Variants in PRKN observed in about 807,000 individuals in gnomAD.
PRKN encodes the protein parkin RBR E3 ubiquitin protein ligase.
Under a neutral mutation model 59.5 loss-of-function variants are expected in PRKN, and 56 were observed. The observed-to-expected ratio is 0.94, with a 90% CI of 0.76 to 1.18. The LOEUF (loss-of-function observed/expected upper bound fraction) is 1.18. Among genes scored for constraint, PRKN ranks in the 50% most tolerant of loss-of-function variants. The pLI, the probability that PRKN is intolerant of heterozygous loss-of-function variation, is 0.00. For missense variants in PRKN, 657 were observed against 596.4 expected (o/e 1.10, Z -1.06); for synonymous variants, 250 against 222.1 (o/e 1.13, Z -1.12).
intron 7 of PRKN, among the ~76,000 whole-genome samples, chr6:161,705,761 G>C (rs1786461659): frequency 6.6e-6 from 1 of 152,160 alleles, no homozygotes; most frequent in Admixed American, 6.5e-5. Context: ...TACCAGGTTA[G>C]ACAAAGGTTT....
At chr6:161,660,570 G>C (rs1214786329) in intron 7 of PRKN, among the ~76,000 whole-genome samples, 1 of 152,150 alleles carries the variant, frequency 6.6e-6, no homozygotes, top group Admixed American at 6.5e-5. Context: ...TCCTTAGAAA[G>C]GAGTCTGATT....
rs2128141254 is a variant in PRKN at position 161,593,064 on chromosome 6, C to T, written c.872-23648G>A. Among the ~76,000 whole-genome samples the T allele has an allele frequency of 6.6e-6, 1 of 152,314 alleles. No individual in the cohort carries two copies. The highest frequency in any genetic ancestry group is 6.5e-5 in the Admixed American group (1 of 15,302). ...ACAGAGCGTCCTCAGATGCGCTGCACCCCACGTCCGCTGCTGTTAACATCC... is the reference window on the plus strand; with the variant it reads ...ACAGAGCGTCCTCAGATGCGCTGCATCCCACGTCCGCTGCTGTTAACATCC... On this transcript the variant is annotated intron_variant, in intron 7 of 11. Coordinates refer to ENST00000366898, the MANE Select transcript of PRKN (RefSeq NM_004562.3). This position sits in a 1 kb window ranked among gnomAD's most constrained non-coding sequence, Gnocchi z 4.8.
rs999565978 is a variant in PRKN, at chr6:161,484,798, C to T, written c.1083+64056G>A. Among the ~76,000 whole-genome samples, 1 of 152,176 alleles carries T rather than the reference C, an allele frequency of 6.6e-6. No homozygotes were observed. The highest frequency in any genetic ancestry group is 6.5e-5 in the Admixed American group (1 of 15,278). ...ATCTCCAGACATGACCAAATATCCC[C>T]TGGGGACAAAATCGCTGGCAACTGA... On this transcript the variant is annotated intron_variant, in intron 9 of 11. Coordinates refer to ENST00000366898, the MANE Select transcript of PRKN (RefSeq NM_004562.3). This position sits in a 1 kb window ranked among gnomAD's most constrained non-coding sequence, Gnocchi z 4.9.
chr6:162,334,285 CT>C (rs1357732280), intron 2 of PRKN, among the ~76,000 whole-genome samples: 4 of 152,212 alleles, frequency 2.6e-5, no homozygotes, highest in African/African-American at 9.6e-5. Context: ...AAGATGCCAT[CT>C]GGGACTTTCA....
intron 5 of PRKN, among the ~76,000 whole-genome samples, chr6:161,990,399 T>C (rs1781600204): frequency 6.6e-6 from 1 of 152,046 alleles, no homozygotes; most frequent in Non-Finnish European, 1.5e-5. Context: ...AGTAGTCTTT[T>C]TCTAAAAAAG....
intron 1 of PRKN, among the ~76,000 whole-genome samples, chr6:162,526,833 TA>T (rs1778307591): frequency 6.6e-6 from 1 of 152,148 alleles, no homozygotes; most frequent in Non-Finnish European, 1.5e-5. Flanking sequence ...ATAAAAAGTC[TA>T]TCAAAGTGTA....
intron 2 of PRKN, among the ~76,000 whole-genome samples, chr6:162,369,365 C>A (rs1785624690): frequency 6.6e-6 from 1 of 151,578 alleles, no homozygotes; most frequent in Non-Finnish European, 1.5e-5. Flanking sequence ...TATGAAATAT[C>A]ATTCCACCTG....
intron 6 of PRKN, among the ~76,000 whole-genome samples, chr6:161,924,698 T>C (rs1778903341): frequency 1.3e-5 from 2 of 152,154 alleles, no homozygotes; most frequent in South Asian, 4.1e-4. Flanking sequence ...GGGAAAGTGT[T>C]TGCATGCCAT....
chr6:162,094,067 C>T (rs1223990837), intron 4 of PRKN, among the ~76,000 whole-genome samples: 1 of 152,136 alleles, frequency 6.6e-6, no homozygotes, highest in Admixed American at 6.6e-5. Context: ...TTCCATTTGT[C>T]TGAGCGAGGC....
chr6:161,754,973 G>C (rs929857879), intron 7 of PRKN, among the ~76,000 whole-genome samples: 1 of 152,194 alleles, frequency 6.6e-6, no homozygotes, highest in Non-Finnish European at 1.5e-5. Flanking sequence ...AATAGTCCCA[G>C]GGTGCCAGTA....
chr6:162,048,461 C>G (rs1562482676), intron 5 of PRKN, among the ~76,000 whole-genome samples: 1 of 151,936 alleles, frequency 6.6e-6, no homozygotes, highest in Non-Finnish European at 1.5e-5. Flanking sequence ...CGTTGGATGA[C>G]AGTGGACCTC....
chr6:161,662,777 G>T (rs1303767116), intron 7 of PRKN, among the ~76,000 whole-genome samples: 1 of 152,152 alleles, frequency 6.6e-6, no homozygotes, highest in Non-Finnish European at 1.5e-5. Flanking sequence ...ACAGAGTACA[G>T]GCTGTATTTT....
intron 6 of PRKN, among the ~76,000 whole-genome samples, chr6:161,921,599 T>C (rs1778787897): frequency 6.6e-6 from 1 of 152,224 alleles, no homozygotes; most frequent in African/African-American, 2.4e-5. Flanking sequence ...CACTAGGCGA[T>C]AGGAATTTTT....
chr6:161,538,000 G>A (rs12527640), intron 9 of PRKN, among the ~76,000 whole-genome samples: 25,749 of 152,102 alleles, frequency 0.17, 2,584 homozygotes, highest in Middle Eastern at 0.29. Context: ...TAACCAACAC[G>A]GCTTTGTGAA....
intron 6 of PRKN, among the ~76,000 whole-genome samples, chr6:161,793,170 A>G (rs193269391): frequency 1.1e-3 from 171 of 152,334 alleles, no homozygotes; most frequent in African/African-American, 4.0e-3. Flanking sequence ...AGAAATTAAC[A>G]TAAGCTTCAA....
At chr6:161,857,790 A>G (rs1172378085) in intron 6 of PRKN, among the ~76,000 whole-genome samples, 7 of 152,246 alleles carry the variant, frequency 4.6e-5, no homozygotes, top group African/African-American at 1.4e-4. Context: ...TGTGACTTCA[A>G]GTAATGATCA....
At chr6:161,770,190 G>T (rs1789604753) in intron 7 of PRKN, among the ~76,000 whole-genome samples, 1 of 152,104 alleles carries the variant, frequency 6.6e-6, no homozygotes, top group Non-Finnish European at 1.5e-5. Context: ...AGCCCACATG[G>T]AGCATGGGGA....
At chr6:162,605,185 T>C (rs1781861896) in intron 1 of PRKN, among the ~76,000 whole-genome samples, 1 of 152,134 alleles carries the variant, frequency 6.6e-6, no homozygotes. Context: ...TAACCCTGAA[T>C]ATGAAGGCTA....
rs1469004119 is a variant in PRKN, at chr6:161,992,824, C to T, written c.619-19407G>A. ...AGAAACTTTGGGAACTGTACAAATACACGGAAATTTAACAACATGCTCCTG... is the reference window on the plus strand; with the variant it reads ...AGAAACTTTGGGAACTGTACAAATATACGGAAATTTAACAACATGCTCCTG... On this transcript the variant is annotated intron_variant, in intron 5 of 11. Transcript: ENST00000366898. Among the ~76,000 whole-genome samples, 5 of 152,088 alleles carry T rather than the reference C, an allele frequency of 3.3e-5. No homozygotes were observed. In the East Asian group the frequency reaches 9.6e-4, roughly 29 times the overall value.
Sources: allele counts gnomAD v4.1 joint callset (sites outside exome capture counted in the v4.1 genomes callset), GRCh38; gene constraint gnomAD v4.1.1; non-coding constraint Gnocchi (gnomAD v3.1); transcripts MANE v1.5; gene names NCBI Gene and HGNC (gene_info 2026-07-23, HGNC 2026-07-21).